TRDN: variants seen among roughly 807,000 people sequenced by gnomAD.
The protein encoded by TRDN is triadin.
Under a neutral mutation model 149.7 loss-of-function variants are expected in TRDN, and 161 were observed. The observed-to-expected ratio is 1.08, with a 90% confidence interval of 0.95 to 1.23. The LOEUF (loss-of-function observed/expected upper bound fraction) is 1.23, where lower values mean the gene tolerates loss of function less well. TRDN is among the 50% of genes most tolerant of loss of function. The pLI, the probability that TRDN is intolerant of heterozygous loss-of-function variation, is 0.00. For missense variants in TRDN, 896 were observed against 823.5 expected, an observed-to-expected ratio of 1.09 and a Z score of -1.08; for synonymous variants, 294 against 250.5, an observed-to-expected ratio of 1.17 and a Z score of -1.64.
In TRDN at chr6:123,409,907, A is replaced by C. The variant is rs74680247; in HGVS notation, c.1052-16230T>G. Among the ~76,000 whole-genome samples, 470 of 152,294 alleles carry C rather than the reference A, an allele frequency of 3.1e-3. 14 individuals carry two copies. The East Asian group carries it at 0.077, about 25-fold the overall frequency. On this transcript the variant is annotated intron_variant, in intron 12 of 40. Transcript: ENST00000334268. ...GGGAGGTGGAGAGAGGAGGATAAGG[A>C]TTTGAACAAAGAAGGCTCTGAAATA...
At chr6:123,238,308 A>C (rs1321456740) in intron 38 of TRDN, among the ~76,000 whole-genome samples, 1 of 152,212 alleles carries the variant, frequency 6.6e-6, no homozygotes, top group Admixed American at 6.5e-5. Flanking sequence ...CAAAATTACC[A>C]TGTAAGTCAA....
intron 4 of TRDN, among the ~76,000 whole-genome samples, chr6:123,540,356 C>A (rs1002875573): frequency 1.3e-5 from 2 of 151,950 alleles, no homozygotes; most frequent in Admixed American, 1.3e-4. Context: ...GAGAGAAAAG[C>A]CTGCCTGAGA....
chr6:123,285,751 AC>A, intron 24 of TRDN, among the ~76,000 whole-genome samples: 1 of 152,200 alleles, frequency 6.6e-6, no homozygotes, highest in Non-Finnish European at 1.5e-5. Flanking sequence ...TAAACAGACA[AC>A]CTACAGAGTG....
chr6:123,319,275 T>C (rs1367435482), intron 23 of TRDN, among the ~76,000 whole-genome samples: 3 of 151,906 alleles, frequency 2.0e-5, no homozygotes, highest in Admixed American at 6.6e-5. Context: ...AAGGCAGGAA[T>C]TGATATGTGA....
intron 1 of TRDN, among the ~76,000 whole-genome samples, chr6:123,611,800 C>T (rs745613459): frequency 2.0e-5 from 3 of 152,136 alleles, no homozygotes; most frequent in Non-Finnish European, 2.9e-5. Context: ...TCAAGGCTGG[C>T]ATTCCATCTA....
chr6:123,447,586 T>C (rs1013762761), intron 10 of TRDN, among the ~76,000 whole-genome samples: 2 of 152,172 alleles, frequency 1.3e-5, no homozygotes, highest in African/African-American at 4.8e-5. Flanking sequence ...GGTACAGTCA[T>C]AGCTCATGTC....
At chr6:123,490,407 GATAAC>G (rs759084565) in intron 9 of TRDN, among the ~76,000 whole-genome samples, 46 of 152,276 alleles carry the variant, frequency 3.0e-4, no homozygotes, top group Non-Finnish European at 4.0e-4. Context: ...AATAGAGCGT[GATAAC>G]ATGACATGCT....
At chr6:123,604,629 G>A (rs1784438579) in intron 1 of TRDN, among the ~76,000 whole-genome samples, 1 of 152,090 alleles carries the variant, frequency 6.6e-6, no homozygotes, top group South Asian at 2.1e-4. Context: ...TGTGATAAGA[G>A]GCCAAACTCT....
Position 123,279,083 on chromosome 6 carries a change from C to T in TRDN, c.1511-1G>A. On this transcript the variant is annotated splice_acceptor_variant, in intron 24 of 40. Coordinates refer to ENST00000334268, the MANE Select transcript of TRDN (RefSeq NM_006073.4). LOFTEE classifies it high-confidence loss of function. ...GGAGGTTTAGGCTTGACTTCTTTGC[C>T]TAGAAAAAAGTAAAAAAATTATTAA... 1 of 1,605,442 alleles carries T rather than the reference C, an allele frequency of 6.2e-7. No homozygotes were observed. Among genetic ancestry groups the T allele is most frequent in the East Asian group, 2.3e-5 (1 of 44,386 alleles).
intron 32 of TRDN, among the ~76,000 whole-genome samples, chr6:123,265,803 A>G (rs1464274524): frequency 8.4e-6 from 1 of 119,740 alleles, no homozygotes; most frequent in East Asian, 3.3e-4. Flanking sequence ...CGTATGTTGA[A>G]CAATAAGGTT....
chr6:123,536,686 A>ACAAT (rs981429683), intron 4 of TRDN, among the ~76,000 whole-genome samples: 2 of 90,100 alleles, frequency 2.2e-5, no homozygotes, highest in Non-Finnish European at 4.6e-5. Flanking sequence ...CTCCATCTCT[A>ACAAT]CAATAAATAA....
chr6:123,551,932 G>T (rs1583230429), intron 2 of TRDN, among the ~76,000 whole-genome samples: 3 of 152,106 alleles, frequency 2.0e-5, no homozygotes, highest in Admixed American at 2.0e-4. Flanking sequence ...AGACTTTACT[G>T]CATGGGAATA....
intron 26 of TRDN, among the ~76,000 whole-genome samples, chr6:123,275,358 C>G (rs1296527933): frequency 6.6e-6 from 1 of 151,920 alleles, no homozygotes; most frequent in East Asian, 1.9e-4. Flanking sequence ...ATAATAGAGG[C>G]AGAGATTGAA....
intron 26 of TRDN, among the ~76,000 whole-genome samples, chr6:123,276,564 A>G (rs969463773): frequency 1.3e-5 from 2 of 152,192 alleles, no homozygotes; most frequent in South Asian, 2.1e-4. Context: ...TTCTCAGCCT[A>G]TCTAGACAGT....
At chr6:123,537,739 G>T (rs1780622178) in intron 4 of TRDN, among the ~76,000 whole-genome samples, 1 of 152,182 alleles carries the variant, frequency 6.6e-6, no homozygotes, top group Non-Finnish European at 1.5e-5. Flanking sequence ...AAGGCTGGTA[G>T]TAGCAGCAAC....
chr6:123,403,670 A>C (rs1171318590), intron 12 of TRDN, among the ~76,000 whole-genome samples: 1 of 152,172 alleles, frequency 6.6e-6, no homozygotes, highest in African/African-American at 2.4e-5. Context: ...AATAGCAGGA[A>C]TACACAGCTG....
intron 4 of TRDN, among the ~76,000 whole-genome samples, chr6:123,536,689 AT>A (rs928540167): frequency 7.7e-6 from 1 of 129,252 alleles, no homozygotes; most frequent in Non-Finnish European, 1.7e-5. Flanking sequence ...CATCTCTACA[AT>A]AAATAAATAA....
chr6:123,523,141 ACTT>A (rs778866601), intron 5 of TRDN, among the ~76,000 whole-genome samples: 1 of 152,172 alleles, frequency 6.6e-6, no homozygotes, highest in Non-Finnish European at 1.5e-5. Context: ...AGCAGTGGGG[ACTT>A]CTTAAAGGAA....
At chr6:123,409,460 T>C (rs1275523511) in intron 12 of TRDN, among the ~76,000 whole-genome samples, 1 of 152,232 alleles carries the variant, frequency 6.6e-6, no homozygotes, top group African/African-American at 2.4e-5. Context: ...AAGGCTCATA[T>C]TGCTGTGAGG....
Sources: gnomAD v4.1 joint callset for allele counts (sites outside exome capture counted in the v4.1 genomes callset) on GRCh38, gnomAD v4.1.1 for gene constraint, MANE v1.5 for transcripts, NCBI Gene and HGNC (gene_info 2026-07-23, HGNC 2026-07-21) for gene names.